The following PRPF3 variants were observed in gnomAD, a reference collection of about 807,000 sequenced individuals.
PRPF3 encodes pre-mRNA processing factor 3.
In PRPF3, 3 loss-of-function variants were observed where a neutral mutation model predicts 89.2. The ratio of observed to expected loss-of-function variants is 0.03; its 90% confidence interval spans 0.02 to 0.09. The LOEUF (loss-of-function observed/expected upper bound fraction) is 0.09. Among genes scored for constraint, PRPF3 ranks in the 10% least tolerant of loss-of-function variants. The probability of loss-of-function intolerance (pLI) is 1.00; values close to 1 mark genes in which losing one functional copy is unlikely to be tolerated. For missense variants in PRPF3, 463 were observed against 828.8 expected, an observed-to-expected ratio of 0.56 and a Z score of 5.42; for synonymous variants, 270 against 289.1, an observed-to-expected ratio of 0.93 and a Z score of 0.67.
Position 150,347,478 on chromosome 1 carries a change from C to G in PRPF3, c.1843+987C>G, listed in dbSNP as rs587684459. Among the ~76,000 whole-genome samples, 6 of 152,228 alleles carry G rather than the reference C, an allele frequency of 3.9e-5. No individual in the cohort carries two copies. The East Asian group carries it at 1.2e-3, about 29-fold the overall frequency. On this transcript the variant is annotated intron_variant, in intron 14 of 15. Transcript: ENST00000324862. ...AGGCACGGTGGCTCACACTTATAAT[C>G]TGAGCACTTTGGGAGGCCGAGGCGA...
At chr1:150,335,496 G>A (rs908114755) in intron 7 of PRPF3, among the ~76,000 whole-genome samples, 9 of 152,084 alleles carry the variant, frequency 5.9e-5, no homozygotes, top group African/African-American at 1.2e-4. Flanking sequence ...ATGGAGTGTC[G>A]CTCTTGTTGC....
At chr1:150,351,727 C>G (rs913597676) in intron 15 of PRPF3, among the ~76,000 whole-genome samples, 5 of 113,002 alleles carry the variant, frequency 4.4e-5, no homozygotes, top group Admixed American at 2.3e-4. Context: ...CTAGGCTTGT[C>G]TTGAACTCTT....
intron 4 of PRPF3, among the ~76,000 whole-genome samples, chr1:150,332,304 A>G (rs1426935794): frequency 6.6e-6 from 1 of 152,152 alleles, no homozygotes; most frequent in Non-Finnish European, 1.5e-5. Context: ...GGTTAACACT[A>G]GACCTGTAAG....
rs2101971498 is a variant in PRPF3, at chr1:150,332,972, C to T, written c.508-7C>T. ...ATTCCTCTGATTTCTTTTTCTCTAT[C>T]TCACAGCCAAAGACTCCTTCTTCCT... On this transcript the variant is annotated splice_polypyrimidine_tract_variant and splice_region_variant and intron_variant, in intron 5 of 15. Transcript: ENST00000324862. 6.2e-7 allele frequency: 1 copy of T among 1,609,936 alleles called. No individual in the cohort carries two copies. Among genetic ancestry groups the T allele is most frequent in the Non-Finnish European group, 8.5e-7 (1 of 1,176,578 alleles).
chr1:150,324,844 G>T, intron 1 of PRPF3, 51 bp from the exon 2 acceptor site: 3 of 1,455,122 alleles, frequency 2.1e-6, no homozygotes, highest in South Asian at 2.4e-5. Context: ...ACTGCACCCA[G>T]CCCACTTTAG....
intron 14 of PRPF3, 170 bp from the exon 15 acceptor site, chr1:150,348,987 C>G: frequency 1.5e-6 from 1 of 670,158 alleles, no homozygotes; most frequent in Non-Finnish European, 2.7e-6. Flanking sequence ...TTACTGCCTA[C>G]TTGGAGCTTC....
intron 6 of PRPF3, 57 bp downstream of exon 6, chr1:150,333,256 T>C (rs1656611435): frequency 1.9e-6 from 3 of 1,557,656 alleles, no homozygotes; most frequent in African/African-American, 1.4e-5. Context: ...AAGCAATAAA[T>C]ACCTTTGAAT....
chr1:150,339,422 T>C (rs782705368), intron 8 of PRPF3, among the ~76,000 whole-genome samples: 16 of 151,132 alleles, frequency 1.1e-4, no homozygotes, highest in Non-Finnish European at 5.9e-5. Context: ...TTTAAATATA[T>C]CTGCTCCATC....
intron 11 of PRPF3, 38 bp from the exon 12 acceptor site, chr1:150,344,396 G>C (rs1553872336): frequency 4.3e-6 from 7 of 1,614,168 alleles, no homozygotes; most frequent in Non-Finnish European, 5.9e-6. Context: ...GATCTTCAAT[G>C]CCTTTCTCAC....
chr1:150,338,128 T>G, intron 7 of PRPF3, 32 bp from the exon 8 acceptor site: 1 of 1,611,814 alleles, frequency 6.2e-7, no homozygotes, highest in Non-Finnish European at 8.5e-7. Flanking sequence ...GACTCCAATT[T>G]ATCTTTCTGT....
In PRPF3 at chr1:150,333,119, G is replaced by C. The variant is rs1553866152; in HGVS notation, c.648G>C (p.Gln216His). 6.2e-7 allele frequency: 1 copy of C among 1,614,236 alleles called. No homozygotes were observed. Among genetic ancestry groups the C allele is most frequent in the Non-Finnish European group, 8.5e-7 (1 of 1,180,038 alleles). The change falls in exon 6 of 16, where the codon CAG (glutamine) becomes CAC (histidine). Residue 216 changes from glutamine (Q) to histidine (H), a missense_variant. By Grantham distance (24) the Gln-to-His change is conservative (BLOSUM62 0). Coordinates refer to ENST00000324862, the MANE Select transcript of PRPF3 (RefSeq NM_004698.4). ...AACTGCAAGCTCGAATCCAAGCCCA[G>C]CTGGCACTGAAGCCAGGACTCATCG... ...AAELQARIQA[Q>H]LALKPGLIGN...
chr1:150,346,295 A>G, intron 13 of PRPF3, 113 bp from the exon 14 acceptor site: 1 of 1,277,768 alleles, frequency 7.8e-7, no homozygotes, highest in Non-Finnish European at 1.1e-6. Context: ...AGAAGGCCCT[A>G]AGATGTGGTT....
At chr1:150,334,483 C>A (rs11586847) in intron 6 of PRPF3, among the ~76,000 whole-genome samples, 1 of 151,666 alleles carries the variant, frequency 6.6e-6, no homozygotes, top group Non-Finnish European at 1.5e-5. Context: ...TACAAGTGCC[C>A]GTCTAAATTT....
chr1:150,344,658 C>G, intron 12 of PRPF3, 111 bp downstream of exon 12: 1 of 1,141,676 alleles, frequency 8.8e-7, no homozygotes, highest in Non-Finnish European at 1.3e-6. Context: ...AGTTCCTACT[C>G]TCTTTTAATG....
chr1:150,342,810 C>T (rs587713534), intron 9 of PRPF3, among the ~76,000 whole-genome samples: 3 of 152,130 alleles, frequency 2.0e-5, no homozygotes, highest in Non-Finnish European at 4.4e-5. Flanking sequence ...TGTGATCCAC[C>T]GCACCTGGCC....
At chr1:150,349,556 A>G (rs1232717484) in intron 15 of PRPF3, among the ~76,000 whole-genome samples, 1 of 152,136 alleles carries the variant, frequency 6.6e-6, no homozygotes, top group Non-Finnish European at 1.5e-5. Context: ...TTACCTTTGG[A>G]TATAGTGAAG....
intron 15 of PRPF3, among the ~76,000 whole-genome samples, chr1:150,351,776 C>G (rs1553874444): frequency 6.8e-6 from 1 of 147,310 alleles, no homozygotes; most frequent in Admixed American, 7.1e-5. Flanking sequence ...TCCCAAAGTG[C>G]TGGGATTATA....
At chr1:150,335,539 T>C (rs1178808072) in intron 7 of PRPF3, among the ~76,000 whole-genome samples, 1 of 152,064 alleles carries the variant, frequency 6.6e-6, no homozygotes, top group Admixed American at 6.6e-5. Flanking sequence ...GATCTCGGCT[T>C]GCTGCAACCT....
At chr1:150,345,306 A>G (rs1658163124) in intron 12 of PRPF3, among the ~76,000 whole-genome samples, 1 of 151,994 alleles carries the variant, frequency 6.6e-6, no homozygotes, top group African/African-American at 2.4e-5. Context: ...ATCCTCCTAG[A>G]AAATTTTCAT....
Sources: gnomAD v4.1 joint callset for allele counts (sites outside exome capture counted in the v4.1 genomes callset) on GRCh38, gnomAD v4.1.1 for gene constraint, MANE v1.5 for transcripts, NCBI Gene and HGNC (gene_info 2026-07-23, HGNC 2026-07-21) for gene names.